The following INPP4B variants were observed in gnomAD, a reference collection of about 807,000 sequenced individuals.
The protein encoded by INPP4B is inositol polyphosphate-4-phosphatase type II B.
Under a neutral mutation model 122.5 loss-of-function variants are expected in INPP4B, and 55 were observed. The observed-to-expected ratio is 0.45, with a 90% CI of 0.36 to 0.56. INPP4B has a LOEUF of 0.56. Among genes scored for constraint, INPP4B ranks in the 20% least tolerant of loss-of-function variants. The pLI, the probability that INPP4B is intolerant of heterozygous loss-of-function variation, is 0.00. For synonymous variants in INPP4B, 403 were observed against 388.7 expected (o/e 1.04, Z -0.43); for missense variants, 1,000 against 1,097.7 (o/e 0.91, Z 1.26).
Position 142,066,136 on chromosome 4 carries a change from GAATT to G in INPP4B, c.2642+15891_2642+15894del, listed in dbSNP as rs1478809397. On this transcript the variant is annotated intron_variant, in intron 25 of 25. Coordinates refer to ENST00000262992, the MANE Select transcript of INPP4B (RefSeq NM_001101669.3). ...ACCCCAAATAATGCCCCATGATTTA[GAATT>G]AATTTCTAATTATGAACAATGTCTA... is the stretch of plus-strand genomic sequence containing the variant. Among the ~76,000 whole-genome samples the G allele has an allele frequency of 3.3e-5, 5 of 152,160 alleles. No individual in the cohort carries two copies. In the East Asian group the frequency reaches 5.8e-4, roughly 18 times the overall value.
At chr4:142,171,781 GA>G (rs1473849339) in intron 16 of INPP4B, among the ~76,000 whole-genome samples, 2 of 151,792 alleles carry the variant, frequency 1.3e-5, no homozygotes, top group Non-Finnish European at 2.9e-5. Flanking sequence ...AAACATAGGG[GA>G]AAAAGTTGGA....
chr4:142,642,324 A>G (rs1750693869), intron 2 of INPP4B, among the ~76,000 whole-genome samples: 1 of 152,124 alleles, frequency 6.6e-6, no homozygotes, highest in Non-Finnish European at 1.5e-5. Flanking sequence ...TTGGTGTTTT[A>G]GACATGAAGT....
At chr4:142,123,866 T>C (rs1797597907) in intron 19 of INPP4B, among the ~76,000 whole-genome samples, 1 of 152,146 alleles carries the variant, frequency 6.6e-6, no homozygotes. Context: ...CACTGGACCA[T>C]TCATGAAATA....
intron 21 of INPP4B, among the ~76,000 whole-genome samples, chr4:142,115,373 G>A (rs571131690): frequency 3.3e-5 from 5 of 152,272 alleles, no homozygotes; most frequent in African/African-American, 1.2e-4. Flanking sequence ...ATTTACCAAA[G>A]TTGAAATGAA....
At chr4:142,691,378 G>A (rs947446270) in intron 2 of INPP4B, among the ~76,000 whole-genome samples, 15 of 151,008 alleles carry the variant, frequency 9.9e-5, no homozygotes, top group African/African-American at 3.4e-4. Context: ...CACAATCCTA[G>A]GCCTATGTTT....
At chr4:142,780,698 T>C (rs759268373) in intron 1 of INPP4B, among the ~76,000 whole-genome samples, 1 of 151,850 alleles carries the variant, frequency 6.6e-6, no homozygotes, top group African/African-American at 2.4e-5. Flanking sequence ...ACTCGGGAGG[T>C]TGAGGCAGAG....
chr4:142,233,228 A>G (rs1855222313), intron 12 of INPP4B, among the ~76,000 whole-genome samples: 1 of 151,640 alleles, frequency 6.6e-6, no homozygotes, highest in Non-Finnish European at 1.5e-5. Context: ...GAGTGAGTGT[A>G]TGTGTATTCC....
At chr4:142,832,949 G>A (rs182992732) in intron 1 of INPP4B, among the ~76,000 whole-genome samples, 18 of 152,240 alleles carry the variant, frequency 1.2e-4, no homozygotes, top group Admixed American at 1.1e-3. Context: ...AGTGTATGTT[G>A]CTTCCCTTTT....
At chr4:142,289,938 T>C (rs1755618241) in intron 9 of INPP4B, among the ~76,000 whole-genome samples, 1 of 152,188 alleles carries the variant, frequency 6.6e-6, no homozygotes, top group Non-Finnish European at 1.5e-5. Context: ...AATGTGACCA[T>C]GTCTTACCAC....
At chr4:142,126,981 A>G (rs1236348607) in intron 18 of INPP4B, among the ~76,000 whole-genome samples, 1 of 152,184 alleles carries the variant, frequency 6.6e-6, no homozygotes, top group Non-Finnish European at 1.5e-5. Context: ...ATTTTAAACG[A>G]TAACAGACTG....
At chr4:142,147,736 G>A (rs916415144) in intron 17 of INPP4B, among the ~76,000 whole-genome samples, 3 of 152,152 alleles carry the variant, frequency 2.0e-5, no homozygotes, top group Non-Finnish European at 4.4e-5. Context: ...AACCACAAGC[G>A]ATTATAACAA....
At chr4:142,268,283 A>ACTGCACT (rs1270816461) in intron 10 of INPP4B, among the ~76,000 whole-genome samples, 2 of 133,996 alleles carry the variant, frequency 1.5e-5, no homozygotes, top group East Asian at 4.7e-4. Context: ...AGATCGCGCC[A>ACTGCACT]CTGCACTCTG....
chr4:142,128,417 G>T (rs1799675096), intron 18 of INPP4B, among the ~76,000 whole-genome samples: 1 of 151,774 alleles, frequency 6.6e-6, no homozygotes, highest in African/African-American at 2.4e-5. Flanking sequence ...TAGTGAAGCT[G>T]GGGAGCTAAG....
chr4:142,753,556 C>T (rs564298408), intron 1 of INPP4B, among the ~76,000 whole-genome samples: 1 of 152,094 alleles, frequency 6.6e-6, no homozygotes, highest in South Asian at 2.1e-4. Flanking sequence ...TCTCCATTTG[C>T]TCTTGACCAG....
chr4:142,403,271 T>C (rs985983657), intron 6 of INPP4B, among the ~76,000 whole-genome samples: 5 of 152,250 alleles, frequency 3.3e-5, no homozygotes, highest in African/African-American at 1.2e-4. Flanking sequence ...TAAATGAACC[T>C]GCATCATTGT....
intron 25 of INPP4B, among the ~76,000 whole-genome samples, chr4:142,046,289 A>C (rs1317323953): frequency 6.6e-6 from 1 of 152,154 alleles, no homozygotes. Flanking sequence ...TTTGTTGAGC[A>C]TATACGATGC....
chr4:142,120,648 A>C (rs112656023), intron 21 of INPP4B, among the ~76,000 whole-genome samples: 1 of 151,958 alleles, frequency 6.6e-6, no homozygotes, highest in East Asian at 1.9e-4. Flanking sequence ...TCCTACTCCA[A>C]TCCAAGTCAA....
intron 5 of INPP4B, 57 bp from the exon 6 acceptor site, chr4:142,405,381 ACTT>A (rs1319640086): frequency 3.7e-6 from 4 of 1,071,304 alleles, no homozygotes; most frequent in African/African-American, 3.1e-5. Context: ...CTCAGGGAAA[ACTT>A]CTGCGCCGGG....
chr4:142,415,696 G>A (rs1385268774), intron 5 of INPP4B, among the ~76,000 whole-genome samples: 8 of 152,052 alleles, frequency 5.3e-5, no homozygotes, highest in South Asian at 2.1e-4. Context: ...ATAAAGACAC[G>A]TGCACACGTA....
Sources: allele counts gnomAD v4.1 joint callset (sites outside exome capture counted in the v4.1 genomes callset), GRCh38; gene constraint gnomAD v4.1.1; transcripts MANE v1.5; gene names NCBI Gene and HGNC (gene_info 2026-07-23, HGNC 2026-07-21).